CNTNAP2: variants seen among roughly 807,000 people sequenced by gnomAD.
The protein encoded by CNTNAP2 is contactin associated protein 2.
A neutral mutation model predicts 155.2 loss-of-function variants in CNTNAP2; 98 were observed. That is an observed-to-expected ratio of 0.63 (90% CI 0.54 to 0.75). CNTNAP2 has a LOEUF of 0.75. Ranked by LOEUF, CNTNAP2 falls within the 30% of genes least tolerant of loss-of-function variation. The probability of loss-of-function intolerance (pLI) is 0.00; values close to 1 mark genes in which losing one functional copy is unlikely to be tolerated. For synonymous variants in CNTNAP2, 651 were observed against 631.2 expected, an observed-to-expected ratio of 1.03 and a Z score of -0.47; for missense variants, 1,727 against 1,688.1, an observed-to-expected ratio of 1.02 and a Z score of -0.40.
intron 8 of CNTNAP2, among the ~76,000 whole-genome samples, chr7:147,144,539 A>G (rs879316259): frequency 3.3e-5 from 5 of 152,084 alleles, no homozygotes; most frequent in Admixed American, 3.3e-4. Flanking sequence ...GTACGTTTCT[A>G]ATCTTTTTCT....
intron 1 of CNTNAP2, among the ~76,000 whole-genome samples, chr7:146,166,920 T>G (rs1303892592): frequency 1.3e-5 from 2 of 152,130 alleles, no homozygotes; most frequent in South Asian, 2.1e-4. Context: ...GGTAAGAAAT[T>G]AAAAAAGAAG....
At chr7:147,019,313 C>T (rs1798779789) in intron 3 of CNTNAP2, among the ~76,000 whole-genome samples, 1 of 152,004 alleles carries the variant, frequency 6.6e-6, no homozygotes, top group Non-Finnish European at 1.5e-5. Context: ...TTGTTTCACG[C>T]TTTAACACTC....
At chr7:148,097,730 C>T (rs1382629283) in intron 15 of CNTNAP2, among the ~76,000 whole-genome samples, 7 of 152,200 alleles carry the variant, frequency 4.6e-5, no homozygotes, top group Non-Finnish European at 1.0e-4. Context: ...TTGAAGCCCT[C>T]CTCGGCTGTT....
Position 148,250,695 on chromosome 7 carries a change from G to A in CNTNAP2, c.3382-16338G>A, listed in dbSNP as rs146346161. 6.9e-3 allele frequency among the ~76,000 whole-genome samples: 1,053 copies of A among 152,276 alleles called. 2 individuals carry two copies. The highest frequency in any genetic ancestry group is 0.02 in the Middle Eastern group (6 of 294). ...GCAGAACACTGCAGGAAAACACAGG[G>A]GGAGGCACGAGAGATCGGGGTCTGT... On this transcript the variant is annotated intron_variant, in intron 20 of 23. Transcript: ENST00000361727.
At chr7:147,031,632 A>G (rs1394827389) in intron 3 of CNTNAP2, among the ~76,000 whole-genome samples, 4 of 152,236 alleles carry the variant, frequency 2.6e-5, no homozygotes, top group Non-Finnish European at 4.4e-5. Flanking sequence ...GAAAAGTCAC[A>G]ATTGGCTGGG....
At chr7:146,642,380 T>G (rs1799726126) in intron 1 of CNTNAP2, among the ~76,000 whole-genome samples, 1 of 144,224 alleles carries the variant, frequency 6.9e-6, no homozygotes, top group Non-Finnish European at 1.5e-5. Context: ...CATTCTTCAA[T>G]TCCCACCTAT....
At chr7:146,240,763 A>C (rs1398906528) in intron 1 of CNTNAP2, among the ~76,000 whole-genome samples, 1 of 152,154 alleles carries the variant, frequency 6.6e-6, no homozygotes, top group Non-Finnish European at 1.5e-5. Flanking sequence ...AATGTTTGCT[A>C]TTTGCATAGG....
At chr7:146,185,031 A>T (rs765327471) in intron 1 of CNTNAP2, among the ~76,000 whole-genome samples, 7 of 152,166 alleles carry the variant, frequency 4.6e-5, no homozygotes, top group Admixed American at 6.6e-5. Context: ...ACGCTCAAAC[A>T]TGGGAGATAT....
chr7:147,343,239 G>GT (rs1364623701), intron 9 of CNTNAP2, among the ~76,000 whole-genome samples: 2 of 152,144 alleles, frequency 1.3e-5, no homozygotes, highest in Non-Finnish European at 2.9e-5. Context: ...AGGTTACCGT[G>GT]TTTTTTTCAA....
At chr7:146,936,278 C>T (rs1207217573) in intron 3 of CNTNAP2, among the ~76,000 whole-genome samples, 1 of 152,140 alleles carries the variant, frequency 6.6e-6, no homozygotes, top group Non-Finnish European at 1.5e-5. Flanking sequence ...GTCACTTGTG[C>T]TAAGTGTGAC....
chr7:147,287,858 G>A (rs1805216442), intron 8 of CNTNAP2, among the ~76,000 whole-genome samples: 1 of 151,984 alleles, frequency 6.6e-6, no homozygotes, highest in Admixed American at 6.6e-5. Context: ...CTTCCAAAAC[G>A]TGAAAAATCT....
At chr7:146,153,989 G>T (rs756409554) in intron 1 of CNTNAP2, among the ~76,000 whole-genome samples, 1 of 151,806 alleles carries the variant, frequency 6.6e-6, no homozygotes, top group Non-Finnish European at 1.5e-5. Context: ...TCATATGAAT[G>T]TATTTTTCAA....
At chr7:147,743,578 C>A (rs2116490737) in intron 13 of CNTNAP2, among the ~76,000 whole-genome samples, 1 of 152,310 alleles carries the variant, frequency 6.6e-6, no homozygotes, top group East Asian at 1.9e-4. Flanking sequence ...CCTGCTTGTC[C>A]AGTCACGCTC....
At chr7:146,250,968 C>T (rs1584827994) in intron 1 of CNTNAP2, among the ~76,000 whole-genome samples, 1 of 152,102 alleles carries the variant, frequency 6.6e-6, no homozygotes, top group Non-Finnish European at 1.5e-5. Flanking sequence ...CCATTATTTT[C>T]TTACTGTGAG....
At chr7:146,203,146 G>A (rs987850081) in intron 1 of CNTNAP2, among the ~76,000 whole-genome samples, 2 of 152,180 alleles carry the variant, frequency 1.3e-5, no homozygotes, top group Non-Finnish European at 2.9e-5. Context: ...CACACATCAA[G>A]CAAGCAATCA....
intron 2 of CNTNAP2, among the ~76,000 whole-genome samples, chr7:146,801,468 A>G (rs1056094564): frequency 6.6e-6 from 1 of 152,192 alleles, no homozygotes; most frequent in African/African-American, 2.4e-5. Flanking sequence ...TGTTCCATGG[A>G]ATTATTAAAC....
chr7:148,409,493 C>T (rs1310572006), intron 23 of CNTNAP2, 22 bp downstream of exon 23: 1 of 1,593,490 alleles, frequency 6.3e-7, no homozygotes, highest in Non-Finnish European at 8.6e-7. Context: ...CTAGAGGAGG[C>T]TTATATGGGG....
At chr7:148,090,181 T>C (rs1416605579) in intron 15 of CNTNAP2, among the ~76,000 whole-genome samples, 2 of 151,974 alleles carry the variant, frequency 1.3e-5, no homozygotes, top group Non-Finnish European at 2.9e-5. Context: ...AAATGCTCTA[T>C]GATACTGGTC....
chr7:146,847,238 T>A (rs1803859408), intron 3 of CNTNAP2, among the ~76,000 whole-genome samples: 1 of 152,214 alleles, frequency 6.6e-6, no homozygotes, highest in Non-Finnish European at 1.5e-5. Context: ...AGAGGAATAC[T>A]AGTATGCTTA....
Sources: gnomAD v4.1 joint callset for allele counts (sites outside exome capture counted in the v4.1 genomes callset) on GRCh38, gnomAD v4.1.1 for gene constraint, MANE v1.5 for transcripts, NCBI Gene and HGNC (gene_info 2026-07-23, HGNC 2026-07-21) for gene names.